Variants in GPC5 observed in about 807,000 individuals in gnomAD.
The protein encoded by GPC5 is glypican-5.
In GPC5, 47 loss-of-function variants were observed where a neutral mutation model predicts 53.9. That is an observed-to-expected ratio of 0.87 (90% confidence interval 0.69 to 1.11). The LOEUF is 1.11. Among genes scored for constraint, GPC5 ranks in the 50% most tolerant of loss-of-function variants. The pLI is 0.00. For synonymous variants in GPC5, 286 were observed against 263.3 expected, an observed-to-expected ratio of 1.09 and a Z score of -0.84; for missense variants, 748 against 713.1, an observed-to-expected ratio of 1.05 and a Z score of -0.56.
At chr13:92,182,494 A>G (rs912317438) in intron 7 of GPC5, among the ~76,000 whole-genome samples, 12 of 152,228 alleles carry the variant, frequency 7.9e-5, no homozygotes, top group Admixed American at 6.5e-4. Context: ...GGGTATAATG[A>G]GTCAATTTAA....
intron 7 of GPC5, among the ~76,000 whole-genome samples, chr13:92,542,734 A>G (rs904933868): frequency 2.6e-5 from 4 of 151,998 alleles, no homozygotes; most frequent in African/African-American, 9.7e-5. Context: ...TTCACTCCTG[A>G]AGTGTATTCC....
Position 92,408,406 on chromosome 13 carries a change from A to G in GPC5, c.1561+263417A>G, listed in dbSNP as rs532748895. Among the ~76,000 whole-genome samples, 9 of 152,244 alleles carry G rather than the reference A, an allele frequency of 5.9e-5. No homozygotes were observed. In the South Asian group the frequency reaches 1.7e-3, roughly 28 times the overall value. ...CCCTGTAGCTTGTTATATTGAGACA[A>G]TATAATATGTAGAAGACAGTGGGAC... On this transcript the variant is annotated intron_variant, in intron 7 of 7. Coordinates refer to ENST00000377067, the MANE Select transcript of GPC5 (RefSeq NM_004466.6).
At chr13:91,854,687 A>C (rs545322704) in intron 5 of GPC5, among the ~76,000 whole-genome samples, 1 of 151,884 alleles carries the variant, frequency 6.6e-6, no homozygotes, top group African/African-American at 2.4e-5. Flanking sequence ...ATCCAATCAC[A>C]CTAGAAATTA....
At chr13:92,426,542 G>T (rs1014181915) in intron 7 of GPC5, among the ~76,000 whole-genome samples, 1 of 152,004 alleles carries the variant, frequency 6.6e-6, no homozygotes, top group Non-Finnish European at 1.5e-5. Context: ...TAAGACTTAT[G>T]ATGCAAAATT....
At chr13:92,168,818 A>T (rs1027147488) in intron 7 of GPC5, among the ~76,000 whole-genome samples, 1 of 152,204 alleles carries the variant, frequency 6.6e-6, no homozygotes, top group African/African-American at 2.4e-5. Flanking sequence ...TTGGCCCAGT[A>T]ATCTCATTAC....
chr13:92,055,681 G>C (rs2041068784), intron 6 of GPC5, among the ~76,000 whole-genome samples: 1 of 152,126 alleles, frequency 6.6e-6, no homozygotes, highest in Admixed American at 6.5e-5. Flanking sequence ...GAAGAACCCT[G>C]AATTTATAAA....
At chr13:92,384,731 G>T (rs1278692621) in intron 7 of GPC5, among the ~76,000 whole-genome samples, 3 of 152,110 alleles carry the variant, frequency 2.0e-5, no homozygotes, top group African/African-American at 4.8e-5. Context: ...CAGGAAGTGT[G>T]AGAAATTTAG....
At chr13:92,775,401 C>T (rs971394173) in intron 7 of GPC5, among the ~76,000 whole-genome samples, 1 of 152,172 alleles carries the variant, frequency 6.6e-6, no homozygotes, top group Non-Finnish European at 1.5e-5. Context: ...TTAGTTTTTG[C>T]TTCAAATATG....
In GPC5 at chr13:92,282,954, G is replaced by C. The variant is rs1313175921; in HGVS notation, c.1561+137965G>C. ...TTAAAAGACACAGACTGGCTAATTGGATAAAAGAGTCAAGACCCATCAGTG... is the reference window on the plus strand; with the variant it reads ...TTAAAAGACACAGACTGGCTAATTGCATAAAAGAGTCAAGACCCATCAGTG... On this transcript the variant is annotated intron_variant, in intron 7 of 7. Coordinates refer to ENST00000377067, the MANE Select transcript of GPC5 (RefSeq NM_004466.6). 2.0e-5 allele frequency among the ~76,000 whole-genome samples: 3 copies of C among 152,182 alleles called. No individual in the cohort carries two copies. In the East Asian group the frequency reaches 5.8e-4, roughly 29 times the overall value.
intron 7 of GPC5, among the ~76,000 whole-genome samples, chr13:92,472,749 A>ATCGACTCAGTATTAATTTTGACT (rs1878959760): frequency 1.3e-5 from 2 of 152,232 alleles, no homozygotes; most frequent in South Asian, 4.1e-4. Flanking sequence ...TTTAGACATC[A>ATCGACTCAGTATTAATTTTGACT]TCGACTCAGT....
chr13:92,506,722 C>G (rs950045275), intron 7 of GPC5, among the ~76,000 whole-genome samples: 1 of 152,102 alleles, frequency 6.6e-6, no homozygotes, highest in Non-Finnish European at 1.5e-5. Flanking sequence ...TGTGTCAAGG[C>G]TCCGGGTGAT....
intron 7 of GPC5, among the ~76,000 whole-genome samples, chr13:92,147,409 G>T (rs996261481): frequency 4.6e-5 from 7 of 151,882 alleles, no homozygotes; most frequent in Non-Finnish European, 1.0e-4. Flanking sequence ...GTGCATATGT[G>T]TGTATAAATA....
At chr13:92,865,471 G>T (rs1837161561) in intron 7 of GPC5, among the ~76,000 whole-genome samples, 1 of 152,138 alleles carries the variant, frequency 6.6e-6, no homozygotes, top group Admixed American at 6.6e-5. Flanking sequence ...CATAAAAGGG[G>T]AAAGTAAAAG....
Position 92,354,511 on chromosome 13 carries a change from A to T in GPC5, c.1561+209522A>T, listed in dbSNP as rs150402807. 5.5e-4 allele frequency among the ~76,000 whole-genome samples: 84 copies of T among 152,382 alleles called. 4 individuals are homozygous for T. In the East Asian group the frequency reaches 0.014, roughly 25 times the overall value. On this transcript the variant is annotated intron_variant, in intron 7 of 7. Coordinates refer to ENST00000377067, the MANE Select transcript of GPC5 (RefSeq NM_004466.6). ...ACATTCGTAATTTATTCCTTAATTC[A>T]TCAAGTATTACAGAGAATTTACTAT...
At chr13:91,991,358 T>C (rs939202807) in intron 6 of GPC5, among the ~76,000 whole-genome samples, 3 of 152,224 alleles carry the variant, frequency 2.0e-5, no homozygotes, top group Non-Finnish European at 2.9e-5. Context: ...CTGTTTTATT[T>C]ATCTTTGTAT....
chr13:92,578,800 C>T (rs1883270681), intron 7 of GPC5, among the ~76,000 whole-genome samples: 1 of 152,136 alleles, frequency 6.6e-6, no homozygotes, highest in East Asian at 1.9e-4. Flanking sequence ...GTCAAGTTGA[C>T]GACTAAAATT....
intron 5 of GPC5, among the ~76,000 whole-genome samples, chr13:91,879,265 A>G (rs1189951175): frequency 6.6e-6 from 1 of 152,184 alleles, no homozygotes; most frequent in Non-Finnish European, 1.5e-5. Context: ...GGCTAGAACT[A>G]AATAGTAAAA....
chr13:92,045,022 G>A (rs920394234), intron 6 of GPC5, among the ~76,000 whole-genome samples: 2 of 152,158 alleles, frequency 1.3e-5, no homozygotes, highest in African/African-American at 4.8e-5. Flanking sequence ...GTCAGAGTGA[G>A]AAGAAATAAT....
At chr13:92,443,589 A>G (rs921977105) in intron 7 of GPC5, among the ~76,000 whole-genome samples, 1 of 152,232 alleles carries the variant, frequency 6.6e-6, no homozygotes, top group African/African-American at 2.4e-5. Context: ...AAACACCTTG[A>G]AGATAAGGAA....
Sources: allele counts gnomAD v4.1 joint callset (sites outside exome capture counted in the v4.1 genomes callset), GRCh38; gene constraint gnomAD v4.1.1; transcripts MANE v1.5; gene names NCBI Gene and HGNC (gene_info 2026-07-23, HGNC 2026-07-21).